Variants in DLC1 observed in about 807,000 individuals in gnomAD.
DLC1 encodes the protein DLC1 Rho GTPase activating protein.
Under a neutral mutation model 140.3 loss-of-function variants are expected in DLC1, and 54 were observed. That is an observed-to-expected ratio of 0.38 (90% CI 0.31 to 0.48). DLC1 has a LOEUF of 0.48. Among genes scored for constraint, DLC1 ranks in the 20% least tolerant of loss-of-function variants. The pLI, the probability that DLC1 is intolerant of heterozygous loss-of-function variation, is 0.96. For synonymous variants in DLC1, 986 were observed against 728.1 expected, an observed-to-expected ratio of 1.35 and a Z score of -5.70; for missense variants, 2,536 against 1,907.0, an observed-to-expected ratio of 1.33 and a Z score of -6.14.
intron 5 of DLC1, among the ~76,000 whole-genome samples, chr8:13,186,296 A>G (rs1016123518): frequency 3.3e-5 from 5 of 152,128 alleles, no homozygotes; most frequent in Non-Finnish European, 7.3e-5. Flanking sequence ...AATCAAACGC[A>G]GATTTGGTCT....
intron 4 of DLC1, among the ~76,000 whole-genome samples, chr8:13,306,939 C>T (rs968656971): frequency 4.6e-5 from 7 of 151,666 alleles, no homozygotes; most frequent in Non-Finnish European, 8.8e-5. Flanking sequence ...CAAAAATTAG[C>T]CGGGCATAGT....
intron 1 of DLC1, among the ~76,000 whole-genome samples, chr8:13,596,879 A>G (rs1411563871): frequency 6.6e-6 from 1 of 152,026 alleles, no homozygotes; most frequent in African/African-American, 2.4e-5. Context: ...TTATTTTAGA[A>G]TCATACAATT....
intron 5 of DLC1, among the ~76,000 whole-genome samples, chr8:13,232,175 G>A (rs1157753869): frequency 6.6e-6 from 1 of 152,132 alleles, no homozygotes; most frequent in African/African-American, 2.4e-5. Context: ...GGAATGATCA[G>A]GCTTGAAGCA....
chr8:13,213,787 G>GTT (rs1335702480), intron 5 of DLC1, among the ~76,000 whole-genome samples: 18 of 143,242 alleles, frequency 1.3e-4, no homozygotes, highest in African/African-American at 2.3e-4. Context: ...GTTTGTTTCC[G>GTT]TTTTTTTTTT....
At chr8:13,295,943 T>TTG (rs1831930380) in intron 5 of DLC1, among the ~76,000 whole-genome samples, 2 of 53,688 alleles carry the variant, frequency 3.7e-5, no homozygotes, top group African/African-American at 1.6e-4. Flanking sequence ...AGATTCTTTG[T>TTG]TTTTTTTTTT....
At chr8:13,429,402 GA>G (rs1295593945) in intron 2 of DLC1, among the ~76,000 whole-genome samples, 1 of 151,964 alleles carries the variant, frequency 6.6e-6, no homozygotes, top group Non-Finnish European at 1.5e-5. Context: ...CATACGGTCT[GA>G]TTTAATAAAT....
At chr8:13,444,186 G>C (rs905865443) in intron 2 of DLC1, among the ~76,000 whole-genome samples, 2 of 152,016 alleles carry the variant, frequency 1.3e-5, no homozygotes, top group African/African-American at 4.8e-5. Context: ...GATTGCAAAA[G>C]TTTTCTCCCA....
intron 4 of DLC1, among the ~76,000 whole-genome samples, chr8:13,314,391 T>C (rs1832788096): frequency 6.6e-6 from 1 of 150,814 alleles, no homozygotes; most frequent in Non-Finnish European, 1.5e-5. Flanking sequence ...AGGTAACATA[T>C]TGGTTTACAG....
At chr8:13,387,817 A>T (rs948518076) in intron 4 of DLC1, among the ~76,000 whole-genome samples, 3 of 152,030 alleles carry the variant, frequency 2.0e-5, no homozygotes, top group South Asian at 2.1e-4. Context: ...CCCAAATGTC[A>T]ATGTACCTGC....
chr8:13,317,987 T>G (rs1017360360), intron 4 of DLC1, among the ~76,000 whole-genome samples: 2 of 152,176 alleles, frequency 1.3e-5, no homozygotes, highest in African/African-American at 4.8e-5. Context: ...TTCTAAGTAC[T>G]TGGCACTTAT....
intron 1 of DLC1, among the ~76,000 whole-genome samples, chr8:13,549,240 G>A (rs779568183): frequency 6.6e-6 from 1 of 152,020 alleles, no homozygotes; most frequent in Non-Finnish European, 1.5e-5. Context: ...TCTTAGCGAG[G>A]TGATACGTCC....
intron 2 of DLC1, among the ~76,000 whole-genome samples, chr8:13,424,801 C>T (rs1343217207): frequency 1.3e-5 from 2 of 152,058 alleles, no homozygotes; most frequent in Non-Finnish European, 1.5e-5. Context: ...TCTTGGTCTC[C>T]TGACCTCGAG....
At chr8:13,329,622 A>T (rs1369214333) in intron 4 of DLC1, among the ~76,000 whole-genome samples, 3 of 151,952 alleles carry the variant, frequency 2.0e-5, no homozygotes, top group Non-Finnish European at 4.4e-5. Flanking sequence ...GCTATTTTAA[A>T]CTCCTCATCT....
In DLC1 at chr8:13,115,278, T is replaced by G. The variant is rs181145429; in HGVS notation, c.1420+308A>C. Among the ~76,000 whole-genome samples, 155 of 152,296 alleles carry G rather than the reference T, an allele frequency of 1.0e-3. 1 individual carries two copies. The highest frequency in any genetic ancestry group is 3.6e-3 in the African/African-American group (151 of 41,562). Reference sequence around the variant, plus strand: ...CTTTTTATAAACGTAAAAATTACTTTGTAAAAATGTACTTTTCAGGAAATG... The same window carrying G: ...CTTTTTATAAACGTAAAAATTACTTGGTAAAAATGTACTTTTCAGGAAATG... On this transcript the variant is annotated intron_variant, in intron 6 of 17. Transcript: ENST00000276297.
chr8:13,088,612 C>A lies in DLC1; in HGVS notation c.4167G>T (p.Gln1389His). Residue 1389 changes from glutamine to histidine, a missense_variant, in exon 16 of 18, where the codon CAG becomes CAT. Transcript: ENST00000276297. ...EEILKRLLKE[Q>H]HLWDVDLLDS... ...CCAACAGGTCTACATCCCAGAGGTGCTGTTCTTTAAGTAGGCGCTTTAAGA... is the reference window on the plus strand; with the variant it reads ...CCAACAGGTCTACATCCCAGAGGTGATGTTCTTTAAGTAGGCGCTTTAAGA... 1 of 1,614,166 alleles carries A rather than the reference C, an allele frequency of 6.2e-7. No homozygotes were observed. Among genetic ancestry groups the A allele is most frequent in the Non-Finnish European group, 8.5e-7 (1 of 1,180,040 alleles).
At chr8:13,245,874 G>A (rs1238758383) in intron 5 of DLC1, among the ~76,000 whole-genome samples, 2 of 151,766 alleles carry the variant, frequency 1.3e-5, no homozygotes, top group African/African-American at 4.8e-5. Flanking sequence ...CTAATTTTTT[G>A]TATTTTTAGT....
At chr8:13,223,982 A>G (rs1411486016) in intron 5 of DLC1, among the ~76,000 whole-genome samples, 1 of 152,176 alleles carries the variant, frequency 6.6e-6, no homozygotes, top group Non-Finnish European at 1.5e-5. Flanking sequence ...GTAAGAAGCT[A>G]TTTCTTTTTG....
At chr8:13,500,947 G>C (rs193059646) in intron 1 of DLC1, among the ~76,000 whole-genome samples, 7 of 152,288 alleles carry the variant, frequency 4.6e-5, no homozygotes, top group Admixed American at 3.9e-4. Context: ...TAGCAAGTGA[G>C]CCGAGATTCA....
At chr8:13,592,091 G>C (rs903408565) in intron 1 of DLC1, among the ~76,000 whole-genome samples, 3 of 152,014 alleles carry the variant, frequency 2.0e-5, no homozygotes, top group Non-Finnish European at 4.4e-5. Context: ...TTCAAACATA[G>C]GGCCCCAGGA....
Sources: allele counts gnomAD v4.1 joint callset (sites outside exome capture counted in the v4.1 genomes callset), GRCh38; gene constraint gnomAD v4.1.1; transcripts MANE v1.5; gene names NCBI Gene and HGNC (gene_info 2026-07-23, HGNC 2026-07-21).